The following BACH2 variants were observed in gnomAD, a reference collection of about 807,000 sequenced individuals.
BACH2 encodes the protein BACH transcriptional regulator 2.
In BACH2, 5 loss-of-function variants were observed where a neutral mutation model predicts 61.8. That is an observed-to-expected ratio of 0.08 (90% CI 0.04 to 0.17). The LOEUF (loss-of-function observed/expected upper bound fraction) is 0.17, where lower values mean the gene tolerates loss of function less well. Among genes scored for constraint, BACH2 ranks in the 10% least tolerant of loss-of-function variants. The pLI, the probability that BACH2 is intolerant of heterozygous loss-of-function variation, is 1.00. For synonymous variants in BACH2, 446 were observed against 440.1 expected, an observed-to-expected ratio of 1.01 and a Z score of -0.17; for missense variants, 824 against 1,091.1, an observed-to-expected ratio of 0.76 and a Z score of 3.45.
intron 7 of BACH2, among the ~76,000 whole-genome samples, chr6:89,946,081 G>A (rs968683045): frequency 6.6e-6 from 1 of 152,146 alleles, no homozygotes; most frequent in Non-Finnish European, 1.5e-5. Flanking sequence ...TAAAGAAGCA[G>A]ACTAAGGGAA....
At chr6:90,102,712 C>T (rs1427627727) in intron 4 of BACH2, among the ~76,000 whole-genome samples, 1 of 151,162 alleles carries the variant, frequency 6.6e-6, no homozygotes, top group Non-Finnish European at 1.5e-5. Context: ...ATCACTTGAA[C>T]CGAGGAGGCA....
At chr6:90,169,994 G>T (rs551697283) in intron 4 of BACH2, among the ~76,000 whole-genome samples, 12 of 152,120 alleles carry the variant, frequency 7.9e-5, no homozygotes, top group Non-Finnish European at 1.8e-4. Context: ...TTTTGGCATC[G>T]TATAGTTGAA....
At position 90,292,724 on chromosome 6, in the gene BACH2, A is replaced by T. The variant is rs550514121; in HGVS notation, c.-446+3756T>A. On this transcript the variant is annotated intron_variant, in intron 1 of 8. Coordinates refer to ENST00000257749, the MANE Select transcript of BACH2 (RefSeq NM_021813.4). The stretch of plus-strand genomic sequence containing the variant: ...GACACACAAAGATATTAAACAAAAA[A>T]AGATGTTTCAGTCTGTTCAGTAGTG... Among the ~76,000 whole-genome samples the T allele has an allele frequency of 1.6e-3, 244 of 152,358 alleles. 2 individuals carry two copies. The highest frequency in any genetic ancestry group is 5.7e-3 in the African/African-American group (236 of 41,580).
At chr6:90,274,366 A>G (rs1031271538) in intron 1 of BACH2, among the ~76,000 whole-genome samples, 2 of 152,258 alleles carry the variant, frequency 1.3e-5, no homozygotes, top group African/African-American at 4.8e-5. Flanking sequence ...AAAGGAACAC[A>G]AAGTAATTGA....
Position 90,296,585 on chromosome 6 carries a change from AAAGCTCGCGGAGG to A in BACH2, c.-564_-552del. ...GAGGTGGGCAGTTCGTGGGTCACCG[AAAGCTCGCGGAGG>A]GGACGCGCATCACATGGCAGCTCGT... On this transcript the variant is annotated 5_prime_UTR_variant, in exon 1 of 9. The change abolishes the stop of an existing upstream ORF in the 5' untranslated region. Coordinates refer to ENST00000257749, the MANE Select transcript of BACH2 (RefSeq NM_021813.4). 1 of 151,550 alleles carries A rather than the reference AAAGCTCGCGGAGG, an allele frequency of 6.6e-6. No individual in the cohort carries two copies. Among genetic ancestry groups the A allele is most frequent in the African/African-American group, 2.4e-5 (1 of 41,298 alleles). 9.4% of individuals were successfully genotyped at this position (151,550 alleles called of 1,614,324 possible). A position where few individuals can be genotyped will look rare whatever the true frequency, so the allele number is the denominator to read the frequency against.
intron 4 of BACH2, among the ~76,000 whole-genome samples, chr6:90,126,117 T>C (rs1783839755): frequency 1.3e-5 from 2 of 152,286 alleles, no homozygotes; most frequent in South Asian, 4.1e-4. Context: ...TTTTAGGATG[T>C]TAGAACAAGC....
In BACH2 at chr6:90,000,919, T is replaced by C. The variant is rs371975116; in HGVS notation, c.243+7683A>G. ...TCCTGGCCAGTTTGCCTCCCATCTT[T>C]ATGGCTTTTCCCTACCTCTCAATCC... On this transcript the variant is annotated intron_variant, in intron 6 of 8. Coordinates refer to ENST00000257749, the MANE Select transcript of BACH2 (RefSeq NM_021813.4). 4.6e-5 allele frequency among the ~76,000 whole-genome samples: 7 copies of C among 152,156 alleles called. No individual in the cohort carries two copies. In the East Asian group the frequency reaches 7.7e-4, roughly 17 times the overall value.
intron 4 of BACH2, among the ~76,000 whole-genome samples, chr6:90,175,284 T>C (rs1767949953): frequency 6.6e-6 from 1 of 152,176 alleles, no homozygotes. Flanking sequence ...TCTTATTCCT[T>C]ATTCTAGGAA....
At chr6:90,125,053 T>C (rs1783789331) in intron 4 of BACH2, among the ~76,000 whole-genome samples, 1 of 152,232 alleles carries the variant, frequency 6.6e-6, no homozygotes, top group Non-Finnish European at 1.5e-5. Flanking sequence ...TCTCATTTTG[T>C]GAACTGTCCA....
Position 90,206,593 on chromosome 6 carries a change from G to A in BACH2, c.-186C>T, listed in dbSNP as rs1393232940. 1 of 152,414 alleles carries A rather than the reference G, an allele frequency of 6.6e-6. No individual in the cohort carries two copies. The highest frequency in any genetic ancestry group is 6.5e-5 in the Admixed American group (1 of 15,288). The allele number at this position is 152,414 out of a possible 1,614,324, so 9.4% of individuals were successfully genotyped here. A position where few individuals can be genotyped will look rare whatever the true frequency, so the allele number is the denominator to read the frequency against. On this transcript the variant is annotated 5_prime_UTR_variant, in exon 4 of 9. Transcript: ENST00000257749. The stretch of plus-strand genomic sequence containing the variant: ...CCTTGTTCATGCTGCAGGGATGGGA[G>A]CAAGGGATCAGACATGTCACAGTGC...
At chr6:89,972,048 G>C (rs1275607039) in intron 6 of BACH2, among the ~76,000 whole-genome samples, 1 of 152,204 alleles carries the variant, frequency 6.6e-6, no homozygotes, top group Non-Finnish European at 1.5e-5. Flanking sequence ...GTTCCAGATG[G>C]AAGAAATGAA....
At chr6:90,167,605 T>G (rs886466158) in intron 4 of BACH2, among the ~76,000 whole-genome samples, 2 of 152,188 alleles carry the variant, frequency 1.3e-5, no homozygotes, top group Non-Finnish European at 2.9e-5. Flanking sequence ...TGATCCAAAA[T>G]GCCTTGGCTT....
At chr6:90,238,219 C>T (rs1770322196) in intron 3 of BACH2, among the ~76,000 whole-genome samples, 1 of 152,150 alleles carries the variant, frequency 6.6e-6, no homozygotes, top group South Asian at 2.1e-4. Flanking sequence ...TCTCTCTTAT[C>T]GATCGATCGA....
intron 6 of BACH2, among the ~76,000 whole-genome samples, chr6:89,957,677 A>G (rs1275477716): frequency 6.6e-6 from 1 of 152,118 alleles, no homozygotes; most frequent in Non-Finnish European, 1.5e-5. Context: ...AATAGCTGGG[A>G]CTATCGGCAT....
At chr6:90,181,278 T>C (rs1404162401) in intron 4 of BACH2, among the ~76,000 whole-genome samples, 1 of 152,152 alleles carries the variant, frequency 6.6e-6, no homozygotes. Context: ...CTCTATAACA[T>C]GTTTTTGTTT....
In BACH2 at chr6:90,291,593, A is replaced by T. The variant is rs561087263; in HGVS notation, c.-446+4887T>A. ...AAAGCAACTACTGTCTTTTTTTTTT[A>T]AATTAAATGTCATCACAAACAAAAA... On this transcript the variant is annotated intron_variant, in intron 1 of 8. Coordinates refer to ENST00000257749, the MANE Select transcript of BACH2 (RefSeq NM_021813.4). Among the ~76,000 whole-genome samples, 109 of 146,852 alleles carry T rather than the reference A, an allele frequency of 7.4e-4. 1 individual carries two copies. In the South Asian group the frequency reaches 8.9e-3, roughly 12 times the overall value.
chr6:90,056,264 G>A (rs917361328), intron 5 of BACH2, among the ~76,000 whole-genome samples: 3 of 152,132 alleles, frequency 2.0e-5, no homozygotes, highest in African/African-American at 7.2e-5. Flanking sequence ...TCCAAATAAA[G>A]GGATGGAGGA....
At chr6:90,157,707 C>T (rs748638806) in intron 4 of BACH2, among the ~76,000 whole-genome samples, 4 of 152,096 alleles carry the variant, frequency 2.6e-5, no homozygotes, top group African/African-American at 9.7e-5. Context: ...AGCAGATGGC[C>T]GCTTAGAGGA....
At chr6:90,180,582 T>C (rs1235318065) in intron 4 of BACH2, among the ~76,000 whole-genome samples, 1 of 152,150 alleles carries the variant, frequency 6.6e-6, no homozygotes, top group Non-Finnish European at 1.5e-5. Context: ...CTGTATGCCT[T>C]TGTGTACCCA....
Sources: allele counts gnomAD v4.1 joint callset (sites outside exome capture counted in the v4.1 genomes callset), GRCh38; gene constraint gnomAD v4.1.1; transcripts MANE v1.5; gene names NCBI Gene and HGNC (gene_info 2026-07-23, HGNC 2026-07-21).